The following NSL1 variants were observed in gnomAD, a reference collection of about 807,000 sequenced individuals.
The protein encoded by NSL1 is kinetochore-associated protein NSL1 homolog.
Under a neutral mutation model 25.4 loss-of-function variants are expected in NSL1, and 11 were observed. That is an observed-to-expected ratio of 0.43 (90% CI 0.27 to 0.72). The LOEUF (loss-of-function observed/expected upper bound fraction) is 0.72, where lower values mean the gene tolerates loss of function less well. Ranked by LOEUF, NSL1 falls within the 30% of genes least tolerant of loss-of-function variation. The probability of loss-of-function intolerance (pLI) is 0.19; values close to 1 mark genes in which losing one functional copy is unlikely to be tolerated. For missense variants in NSL1, 330 were observed against 342.7 expected, an observed-to-expected ratio of 0.96 and a Z score of 0.29; for synonymous variants, 118 against 120.6, an observed-to-expected ratio of 0.98 and a Z score of 0.14.
intron 4 of NSL1, among the ~76,000 whole-genome samples, chr1:212,779,067 A>G (rs1162601083): frequency 1.7e-4 from 23 of 138,862 alleles, no homozygotes; most frequent in African/African-American, 3.1e-4. Flanking sequence ...CCATCTAGGA[A>G]GTGAGGAGCG....
In NSL1 at chr1:212,736,036, G is replaced by A. The variant is rs1026525225; in HGVS notation, c.*2372C>T. 1.0e-6 allele frequency: 1 copy of A among 985,296 alleles called. No individual in the cohort carries two copies. The highest frequency in any genetic ancestry group is 1.7e-5 in the African/African-American group (1 of 57,324). 61.0% of individuals were successfully genotyped at this position (985,296 alleles called of 1,614,324 possible). On this transcript the variant is annotated 3_prime_UTR_variant, in exon 6 of 6. Transcript: ENST00000366977. ...TTGGGACTAGACTTAACCTTCTTGT[G>A]TTCTTCTTATTATTATTTTGAAACA...
rs1659489569 is a variant in NSL1, at chr1:212,760,064, A to T, written c.500-20463T>A. On this transcript the variant is annotated intron_variant, in intron 4 of 5. Coordinates refer to ENST00000366977, the MANE Select transcript of NSL1 (RefSeq NM_015471.4). This position sits in a 1 kb window ranked among gnomAD's most constrained non-coding sequence, Gnocchi z 4.3. ...AGCACATCAAGACAACAGACCACCA[A>T]GACAACAGACCATCGCCAGTGCCCA... Among the ~76,000 whole-genome samples, 1 of 151,954 alleles carries T rather than the reference A, an allele frequency of 6.6e-6. No individual in the cohort carries two copies. Among genetic ancestry groups the T allele is most frequent in the African/African-American group, 2.4e-5 (1 of 41,348 alleles).
Position 212,738,685 on chromosome 1 carries a change from G to T in NSL1, c.569C>A (p.Ser190Tyr). The T allele has an allele frequency of 6.2e-7, 1 of 1,610,848 alleles. No individual in the cohort carries two copies. Among genetic ancestry groups the T allele is most frequent in the South Asian group, 1.1e-5 (1 of 90,874 alleles). The change falls in exon 6 of 6, where the codon TCC (serine) becomes TAC (tyrosine). Residue 190 changes from serine to tyrosine, a missense_variant and splice_region_variant. Coordinates refer to ENST00000366977, the MANE Select transcript of NSL1 (RefSeq NM_015471.4). ...VAKEISEAMK[S>Y]LPALIEQGEG... is the part of the protein sequence containing the mutation. The stretch of plus-strand genomic sequence containing the variant: ...TCCTTGTTCAATTAATGCAGGCAAG[G>T]ACTTCAAACAAACAAACAGTAATAT...
chr1:212,754,422 A>G (rs972018829), intron 4 of NSL1, among the ~76,000 whole-genome samples: 1 of 152,126 alleles, frequency 6.6e-6, no homozygotes, highest in African/African-American at 2.4e-5. Flanking sequence ...AGACAGCTTC[A>G]CTGTTTGAAA....
At chr1:212,772,017 G>A (rs926729893) in intron 4 of NSL1, among the ~76,000 whole-genome samples, 2 of 152,148 alleles carry the variant, frequency 1.3e-5, no homozygotes, top group African/African-American at 4.8e-5. Flanking sequence ...AAATTCTCAT[G>A]AGATCCAATG....
chr1:212,781,864 T>C (rs1182812878), intron 4 of NSL1: 2 of 199,810 alleles, frequency 1.0e-5, no homozygotes. Flanking sequence ...GTCAAGTTTA[T>C]TTCTCCCTGT....
chr1:212,735,790 T>C lies in NSL1; in HGVS notation c.*2618A>G. On this transcript the variant is annotated 3_prime_UTR_variant, in exon 6 of 6. Transcript: ENST00000366977. ...ACTGAGGAAAGGCCATGTGAGGACATAGTAAGGAGGTGGTCATCTACAAGT... is the reference window on the plus strand; with the variant it reads ...ACTGAGGAAAGGCCATGTGAGGACACAGTAAGGAGGTGGTCATCTACAAGT... 3.8e-6 allele frequency: 1 copy of C among 265,940 alleles called. No homozygotes were observed. The highest frequency in any genetic ancestry group is 5.8e-6 in the Non-Finnish European group (1 of 172,348). 16.5% of individuals were successfully genotyped at this position (265,940 alleles called of 1,614,324 possible).
In NSL1 at chr1:212,731,571, G is replaced by A. The variant is rs990590314; in HGVS notation, c.*6837C>T. 8.1e-6 allele frequency: 8 copies of A among 985,190 alleles called. No individual in the cohort carries two copies. The African/African-American group carries it at 1.4e-4, about 17-fold the overall frequency. The allele number at this position is 985,190 out of a possible 1,614,324, so 61.0% of individuals were successfully genotyped here. On this transcript the variant is annotated 3_prime_UTR_variant, in exon 6 of 6. Coordinates refer to ENST00000366977, the MANE Select transcript of NSL1 (RefSeq NM_015471.4). Reference sequence around the variant, plus strand: ...TAATTTTAAAAATCAAATCTATGAGGCTTCTATCAAAAATTATCAGTCCCT... The same window carrying A: ...TAATTTTAAAAATCAAATCTATGAGACTTCTATCAAAAATTATCAGTCCCT...
chr1:212,738,569 C>A lies in NSL1; in HGVS notation c.685G>T (p.Asp229Tyr). ...GTTATAAAGTTCTCAGGTTTAGCAT[C>A]TGGTTTCCTATGACAACTGGAAAAG... ...EVFSSCHRKP[D>Y]AKPENFITQI... is the part of the protein sequence containing the mutation. Residue 229 changes from aspartate (D) to tyrosine (Y), a missense_variant, in exon 6 of 6, where the codon GAT becomes TAT. Transcript: ENST00000366977. The A allele has an allele frequency of 6.2e-7, 1 of 1,614,144 alleles. No individual in the cohort carries two copies. Among genetic ancestry groups the A allele is most frequent in the Non-Finnish European group, 8.5e-7 (1 of 1,180,020 alleles).
intron 4 of NSL1, among the ~76,000 whole-genome samples, chr1:212,741,953 TG>T (rs1048390069): frequency 4.4e-4 from 67 of 152,262 alleles, no homozygotes; most frequent in Admixed American, 1.2e-3. Flanking sequence ...AGGCTCCCAC[TG>T]GGTCCTGCAC....
At chr1:212,777,072 A>C (rs1399577536) in intron 4 of NSL1, among the ~76,000 whole-genome samples, 1 of 151,784 alleles carries the variant, frequency 6.6e-6, no homozygotes, top group African/African-American at 2.4e-5. Context: ...AAAAAAAAAA[A>C]ACAAAAACAA....
rs1164642431 is a variant in NSL1, at chr1:212,760,799, G to A, written c.500-21198C>T. On this transcript the variant is annotated intron_variant, in intron 4 of 5. Coordinates refer to ENST00000366977, the MANE Select transcript of NSL1 (RefSeq NM_015471.4). This position sits in a 1 kb window ranked among gnomAD's most constrained non-coding sequence, Gnocchi z 4.3. Reference sequence around the variant, plus strand: ...TGGAGGCCCAAGAATTGGTCTGCCTGGACCTGATAACACTAGTATCTGTGT... The same window carrying A: ...TGGAGGCCCAAGAATTGGTCTGCCTAGACCTGATAACACTAGTATCTGTGT... Among the ~76,000 whole-genome samples, 1 of 152,170 alleles carries A rather than the reference G, an allele frequency of 6.6e-6. No homozygotes were observed. The highest frequency in any genetic ancestry group is 1.5e-5 in the Non-Finnish European group (1 of 68,034).
chr1:212,777,569 T>C (rs542978474), intron 4 of NSL1, among the ~76,000 whole-genome samples: 2 of 152,320 alleles, frequency 1.3e-5, no homozygotes, highest in African/African-American at 4.8e-5. Flanking sequence ...TATGATACAA[T>C]TTATATAAAA....
intron 3 of NSL1, among the ~76,000 whole-genome samples, chr1:212,783,349 A>G (rs1660806399): frequency 6.6e-6 from 1 of 151,928 alleles, no homozygotes; most frequent in Non-Finnish European, 1.5e-5. Context: ...TACACTTTCA[A>G]TGTTTTTCCT....
intron 4 of NSL1, among the ~76,000 whole-genome samples, chr1:212,762,676 C>T (rs1404324078): frequency 6.6e-6 from 1 of 152,178 alleles, no homozygotes; most frequent in Non-Finnish European, 1.5e-5. Flanking sequence ...AGCACACATC[C>T]CCACCTGCAA....
intron 3 of NSL1, 129 bp from the exon 4 acceptor site, chr1:212,782,555 T>C: frequency 2.8e-6 from 2 of 706,684 alleles, no homozygotes; most frequent in Non-Finnish European, 4.9e-6. Flanking sequence ...TAAATCCTAC[T>C]GTCTGTAGGG....
chr1:212,778,575 T>A (rs1169717626), intron 4 of NSL1, among the ~76,000 whole-genome samples: 4 of 152,128 alleles, frequency 2.6e-5, no homozygotes, highest in Non-Finnish European at 5.9e-5. Flanking sequence ...GTTTTCGTAT[T>A]TTTTTGGTGG....
Position 212,733,732 on chromosome 1 carries a change from T to C in NSL1, c.*4676A>G, listed in dbSNP as rs944500564. On this transcript the variant is annotated 3_prime_UTR_variant, in exon 6 of 6. Transcript: ENST00000366977. ...AGTCCACATTTTATTTATCCATTCA[T>C]CAGTTCATGAAAGTTCAACCTGCTG... Among the ~76,000 whole-genome samples the C allele has an allele frequency of 6.6e-6, 1 of 152,244 alleles. No individual in the cohort carries two copies. The highest frequency in any genetic ancestry group is 1.5e-5 in the Non-Finnish European group (1 of 68,046).
intron 4 of NSL1, among the ~76,000 whole-genome samples, chr1:212,772,502 A>AAAAT (rs548805784): frequency 0.013 from 1,924 of 151,828 alleles, 40 homozygotes; most frequent in African/African-American, 0.044. Context: ...CCAAAAAACA[A>AAAAT]AAATAAATAA....
Sources: allele counts gnomAD v4.1 joint callset (sites outside exome capture counted in the v4.1 genomes callset), GRCh38; gene constraint gnomAD v4.1.1; non-coding constraint Gnocchi (gnomAD v3.1); transcripts MANE v1.5; gene names NCBI Gene and HGNC (gene_info 2026-07-23, HGNC 2026-07-21).